TRPC7: variants seen among roughly 807,000 people sequenced by gnomAD.
TRPC7 encodes the protein short transient receptor potential channel 7.
Under a neutral mutation model 90.1 loss-of-function variants are expected in TRPC7, and 42 were observed. That is an observed-to-expected ratio of 0.47 (90% CI 0.36 to 0.60). The LOEUF is 0.60. Among genes scored for constraint, TRPC7 ranks in the 20% least tolerant of loss-of-function variants. The pLI is 0.00. For missense variants in TRPC7, 955 were observed against 1,112.3 expected (o/e 0.86, Z 2.01); for synonymous variants, 451 against 436.3 (o/e 1.03, Z -0.42).
At chr5:136,331,773 G>A (rs1432535426) in intron 2 of TRPC7, among the ~76,000 whole-genome samples, 1 of 152,142 alleles carries the variant, frequency 6.6e-6, no homozygotes, top group East Asian at 1.9e-4. Context: ...ACCCAAGGGG[G>A]AGATAACACA....
intron 3 of TRPC7, among the ~76,000 whole-genome samples, chr5:136,304,030 A>T (rs55762513): frequency 0.33 from 49,327 of 150,902 alleles, 8,416 homozygotes; most frequent in South Asian, 0.5. Flanking sequence ...TCTTTTAAGC[A>T]CTCCTTTTTA....
At chr5:136,335,550 C>T (rs78211791) in intron 2 of TRPC7, among the ~76,000 whole-genome samples, 3 of 151,914 alleles carry the variant, frequency 2.0e-5, no homozygotes, top group Middle Eastern at 3.2e-3. Context: ...GTGGTTGGTA[C>T]GTTTACTGGC....
chr5:136,232,978 G>A (rs940707456), intron 7 of TRPC7, among the ~76,000 whole-genome samples: 1 of 152,016 alleles, frequency 6.6e-6, no homozygotes, highest in Non-Finnish European at 1.5e-5. Context: ...TATTTGACAA[G>A]ATGTACAAAA....
At chr5:136,354,424 T>A (rs933907608) in intron 2 of TRPC7, among the ~76,000 whole-genome samples, 2 of 152,174 alleles carry the variant, frequency 1.3e-5, no homozygotes, top group Non-Finnish European at 2.9e-5. Flanking sequence ...TAAAGTAAAC[T>A]TTTTAAATAA....
At chr5:136,348,145 T>A (rs987509547) in intron 2 of TRPC7, among the ~76,000 whole-genome samples, 3 of 152,006 alleles carry the variant, frequency 2.0e-5, no homozygotes, top group African/African-American at 7.3e-5. Flanking sequence ...CATATATGAG[T>A]CACTCACTCA....
chr5:136,356,073 C>T (rs1760363221), intron 2 of TRPC7, among the ~76,000 whole-genome samples: 1 of 152,202 alleles, frequency 6.6e-6, no homozygotes, highest in Non-Finnish European at 1.5e-5. Flanking sequence ...TAAACCTCCT[C>T]CTCAGCCCAT....
chr5:136,266,447 A>G lies in TRPC7; in HGVS notation c.1129-11T>C. 1.2e-6 allele frequency: 2 copies of G among 1,610,214 alleles called. No individual in the cohort carries two copies. The highest frequency in any genetic ancestry group is 8.5e-7 in the Non-Finnish European group (1 of 1,177,478). The stretch of plus-strand genomic sequence containing the variant: ...CAGGGTTCGTCCTAGCTGGAAAGAA[A>G]ATGTGTTCAAGACATGTTAAACTGT... On this transcript the variant is annotated splice_polypyrimidine_tract_variant and intron_variant, in intron 4 of 11. Transcript: ENST00000513104.
Position 136,350,440 on chromosome 5 carries a change from C to A in TRPC7, c.780+6168G>T, listed in dbSNP as rs192367634. Among the ~76,000 whole-genome samples, 4 of 152,334 alleles carry A rather than the reference C, an allele frequency of 2.6e-5. No homozygotes were observed. The East Asian group carries it at 7.7e-4, about 29-fold the overall frequency. ...TCCCTGTACCTTGGAGGCAGATACTCATGACATAGACCCTAGAAGAGAAAC... is the reference window on the plus strand; with the variant it reads ...TCCCTGTACCTTGGAGGCAGATACTAATGACATAGACCCTAGAAGAGAAAC... On this transcript the variant is annotated intron_variant, in intron 2 of 11. Coordinates refer to ENST00000513104, the MANE Select transcript of TRPC7 (RefSeq NM_020389.3).
At chr5:136,267,900 A>G (rs1757086724) in intron 4 of TRPC7, among the ~76,000 whole-genome samples, 5 of 152,198 alleles carry the variant, frequency 3.3e-5, no homozygotes. Flanking sequence ...CAAATATTTT[A>G]CAATAACATT....
At chr5:136,333,932 G>C (rs964804318) in intron 2 of TRPC7, among the ~76,000 whole-genome samples, 1 of 152,178 alleles carries the variant, frequency 6.6e-6, no homozygotes, top group African/African-American at 2.4e-5. Flanking sequence ...AAATCTGACT[G>C]TTTTCCTTTG....
chr5:136,243,051 G>A (rs1756218983), intron 7 of TRPC7, among the ~76,000 whole-genome samples: 1 of 152,182 alleles, frequency 6.6e-6, no homozygotes, highest in Non-Finnish European at 1.5e-5. Flanking sequence ...CTGGGCGATA[G>A]GGCAGGCCTT....
intron 3 of TRPC7, among the ~76,000 whole-genome samples, chr5:136,297,652 A>G (rs894713457): frequency 5.9e-5 from 9 of 152,106 alleles, no homozygotes; most frequent in Admixed American, 2.6e-4. Flanking sequence ...AATTATTAAT[A>G]ATTTTATTAA....
intron 3 of TRPC7, among the ~76,000 whole-genome samples, chr5:136,300,243 A>G (rs1222452352): frequency 6.6e-6 from 1 of 152,226 alleles, no homozygotes; most frequent in Admixed American, 6.5e-5. Flanking sequence ...TGATTTACAG[A>G]ATGCCTGAAG....
At chr5:136,216,806 T>C (rs1755283933) in intron 10 of TRPC7, among the ~76,000 whole-genome samples, 1 of 152,190 alleles carries the variant, frequency 6.6e-6, no homozygotes, top group Non-Finnish European at 1.5e-5. Flanking sequence ...CCACTGTACC[T>C]TGGAAAATTC....
chr5:136,269,662 T>C (rs2546651), intron 4 of TRPC7, among the ~76,000 whole-genome samples: 102,358 of 152,132 alleles, frequency 0.67, 35,014 homozygotes, highest in African/African-American at 0.82. Flanking sequence ...TGAGTGAAAG[T>C]AAACTTGGAT....
Position 136,315,603 on chromosome 5 carries a change from G to A in TRPC7, c.957C>T (p.Val319=). The A allele has an allele frequency of 6.2e-7, 1 of 1,613,732 alleles. No homozygotes were observed. The highest frequency in any genetic ancestry group is 8.5e-7 in the Non-Finnish European group (1 of 1,179,756). ...GAGAGATGGGGGAGCTTACCTTCTT[G>A]ACTTCATATTTAATGGCGAGTTTGA... is the stretch of plus-strand genomic sequence containing the variant. ...SRIKLAIKYE[V]KKFVAHPNCQ... is the part of the protein sequence containing the mutation. The change falls in exon 3 of 12, where the codon GTC becomes GTT. Residue 319 remains valine, a synonymous_variant. Coordinates refer to ENST00000513104, the MANE Select transcript of TRPC7 (RefSeq NM_020389.3).
rs183602148 is a variant in TRPC7 at position 136,307,018 on chromosome 5, C to A, written c.963+8579G>T. ...TTGGTGGTCTCTTCACACGGACATG[C>A]ATGAAAATAGTTGTATGTATTTATG... On this transcript the variant is annotated intron_variant, in intron 3 of 11. Transcript: ENST00000513104. 3.9e-3 allele frequency among the ~76,000 whole-genome samples: 591 copies of A among 152,276 alleles called. 5 individuals are homozygous for A. Among genetic ancestry groups the A allele is most frequent in the African/African-American group, 0.013 (558 of 41,554 alleles).
At chr5:136,268,322 T>C (rs541151129) in intron 4 of TRPC7, among the ~76,000 whole-genome samples, 25 of 148,672 alleles carry the variant, frequency 1.7e-4, no homozygotes, top group African/African-American at 5.4e-4. Context: ...GGGAGGAGAA[T>C]AGATGAGGAG....
intron 2 of TRPC7, among the ~76,000 whole-genome samples, chr5:136,350,261 C>A (rs1421838040): frequency 4.6e-5 from 7 of 152,154 alleles, no homozygotes; most frequent in Admixed American, 4.6e-4. Context: ...AGAGAGAGAA[C>A]CAGGTCAGTC....
Sources: gnomAD v4.1 joint callset for allele counts (sites outside exome capture counted in the v4.1 genomes callset) on GRCh38, gnomAD v4.1.1 for gene constraint, MANE v1.5 for transcripts, NCBI Gene and HGNC (gene_info 2026-07-23, HGNC 2026-07-21) for gene names.